Variants in UTP23 observed in about 807,000 individuals in gnomAD.
UTP23 encodes rRNA-processing protein UTP23 homolog.
In UTP23, 10 loss-of-function variants were observed where a neutral mutation model predicts 19.8. The ratio of observed to expected loss-of-function variants is 0.50; its 90% CI spans 0.31 to 0.86. The LOEUF (loss-of-function observed/expected upper bound fraction) is 0.86, where lower values mean the gene tolerates loss of function less well. Ranked by LOEUF, UTP23 falls within the 40% of genes least tolerant of loss-of-function variation. UTP23 has a pLI of 0.05. For synonymous variants in UTP23, 108 were observed against 105.4 expected, an observed-to-expected ratio of 1.02 and a Z score of -0.15; for missense variants, 282 against 293.1, an observed-to-expected ratio of 0.96 and a Z score of 0.28.
intron 1 of UTP23, among the ~76,000 whole-genome samples, chr8:116,768,576 G>A (rs537058922): frequency 6.6e-6 from 1 of 152,126 alleles, no homozygotes; most frequent in African/African-American, 2.4e-5. Context: ...TCTTTGGCAT[G>A]TATCTTGAAA....
rs1051490 is a variant in UTP23 at position 116,774,418 on chromosome 8, T to G, written c.*2576T>G. ...GTGATTTGACAGGTTTAATTGCTAG[T>G]TTTTTATAGGTGGATAGAAATGAAT... On this transcript the variant is annotated 3_prime_UTR_variant, in exon 3 of 3. Transcript: ENST00000309822. 6 of 127,090 alleles carry G rather than the reference T, an allele frequency of 4.7e-5. No individual in the cohort carries two copies. The highest frequency in any genetic ancestry group is 5.9e-5 in the Non-Finnish European group (5 of 84,422). 7.9% of individuals were successfully genotyped at this position (127,090 alleles called of 1,614,324 possible).
intron 2 of UTP23, 70 bp downstream of exon 2, chr8:116,770,436 A>G (rs1815636721): frequency 1.4e-6 from 2 of 1,422,012 alleles, no homozygotes; most frequent in Non-Finnish European, 1.9e-6. Context: ...AGCTATTTAT[A>G]ATCAGAAAAA....
At chr8:116,768,957 G>A (rs572628951) in intron 1 of UTP23, among the ~76,000 whole-genome samples, 4 of 152,288 alleles carry the variant, frequency 2.6e-5, no homozygotes, top group African/African-American at 9.6e-5. Context: ...GAGCCACCAT[G>A]CCAGGCAGTT....
In UTP23 at chr8:116,772,353, T is replaced by G; in HGVS notation, c.*511T>G. 1.0e-6 allele frequency: 1 copy of G among 985,004 alleles called. No individual in the cohort carries two copies. Among genetic ancestry groups the G allele is most frequent in the East Asian group, 1.1e-4 (1 of 8,820 alleles). 61.0% of individuals were successfully genotyped at this position (985,004 alleles called of 1,614,324 possible). On this transcript the variant is annotated 3_prime_UTR_variant, in exon 3 of 3. Coordinates refer to ENST00000309822, the MANE Select transcript of UTP23 (RefSeq NM_032334.3). ...AAAAAATCTTACAGTTCTAAAAGGC[T>G]TGTGACAAAAAAAGAGGCAGTCCCT...
At position 116,772,181 on chromosome 8, in the gene UTP23, CA is replaced by C. The variant is rs546136321; in HGVS notation, c.*349del. 343 of 921,706 alleles carry C rather than the reference CA, an allele frequency of 3.7e-4. No homozygotes were observed. The highest frequency in any genetic ancestry group is 3.1e-3 in the East Asian group (32 of 10,284). The allele number at this position is 921,706 out of a possible 1,614,324, so 57.1% of individuals were successfully genotyped here. On this transcript the variant is annotated 3_prime_UTR_variant, in exon 3 of 3. Transcript: ENST00000309822. ...TGGGCAACAGAGTGAGAACATGTCTCAAAAAAAAAATAAAAACAGTGAATGG... is the reference window on the plus strand; with the variant it reads ...TGGGCAACAGAGTGAGAACATGTCTCAAAAAAAAATAAAAACAGTGAATGG...
Position 116,771,577 on chromosome 8 carries a change from A to G in UTP23, c.485A>G (p.Glu162Gly). 6.2e-7 allele frequency: 1 copy of G among 1,613,292 alleles called. No individual in the cohort carries two copies. The change falls in exon 3 of 3, where the codon GAG becomes GGG. Residue 162 changes from glutamate (E) to glycine (G), a missense_variant. Transcript: ENST00000309822. Reference protein sequence around the residue: ...PKTIAFVKAVESGQLVSVHEK... With the variant: ...PKTIAFVKAVGSGQLVSVHEK... ...ACAATTGCCTTTGTAAAAGCAGTGG[A>G]GTCAGGTCAGCTTGTCTCAGTGCAT...
intron 1 of UTP23, among the ~76,000 whole-genome samples, chr8:116,768,918 G>A (rs1251289414): frequency 1.3e-5 from 2 of 152,112 alleles, no homozygotes; most frequent in Non-Finnish European, 2.9e-5. Context: ...CACCCACCTC[G>A]GCCCCCAAAG....
rs1022418067 is a variant in UTP23 at position 116,770,182 on chromosome 8, T to C, written c.189-10T>C. 11 of 1,567,680 alleles carry C rather than the reference T, an allele frequency of 7.0e-6. No homozygotes were observed. Among genetic ancestry groups the C allele is most frequent in the Non-Finnish European group, 8.7e-6 (10 of 1,148,808 alleles). On this transcript the variant is annotated splice_polypyrimidine_tract_variant and intron_variant, in intron 1 of 2. Coordinates refer to ENST00000309822, the MANE Select transcript of UTP23 (RefSeq NM_032334.3). ...AAGTGAAATGTATCTGCTATAATTT[T>C]TCTTTTCAGATGTGTGTTAAAAGAG...
chr8:116,766,527 A>T lies in UTP23; in HGVS notation c.-77A>T. On this transcript the variant is annotated 5_prime_UTR_variant, in exon 1 of 3. Transcript: ENST00000309822. ...CGCTTCATTTCCGGGTGAAACTGGC[A>T]TTGAGGGTACTGGGGCGTGCGTGAG... 1.4e-6 allele frequency: 2 copies of T among 1,466,292 alleles called. No homozygotes were observed. Among genetic ancestry groups the T allele is most frequent in the South Asian group, 1.4e-5 (1 of 72,756 alleles). The allele number at this position is 1,466,292 out of a possible 1,614,324, so 90.8% of individuals were successfully genotyped here.
Position 116,774,244 on chromosome 8 carries a change from G to A in UTP23, c.*2402G>A. On this transcript the variant is annotated 3_prime_UTR_variant, in exon 3 of 3. Coordinates refer to ENST00000309822, the MANE Select transcript of UTP23 (RefSeq NM_032334.3). ...TGCAGTTGTGTATGGGCACGATACT[G>A]TATTCTTTACATTTTTATGGCCCTA... is the stretch of plus-strand genomic sequence containing the variant. The A allele has an allele frequency of 4.1e-6, 4 of 985,334 alleles. No homozygotes were observed. The highest frequency in any genetic ancestry group is 4.8e-6 in the Non-Finnish European group (4 of 829,912). The allele number at this position is 985,334 out of a possible 1,614,324, so 61.0% of individuals were successfully genotyped here.
intron 1 of UTP23, among the ~76,000 whole-genome samples, chr8:116,767,638 T>G (rs1354326409): frequency 6.6e-6 from 1 of 152,188 alleles, no homozygotes; most frequent in Non-Finnish European, 1.5e-5. Flanking sequence ...AGAATGACAC[T>G]TCTTGTTGTG....
In UTP23 at chr8:116,766,717, G is replaced by T. The variant is rs745527566; in HGVS notation, c.114G>T (p.Ala38=). ...TGGACGGCACCTTCTGTCAGGCGGCGCTGCGGGGCCGCATCCAGCTGCGGG... is the reference window on the plus strand; with the variant it reads ...TGGACGGCACCTTCTGTCAGGCGGCTCTGCGGGGCCGCATCCAGCTGCGGG... ...ILLDGTFCQA[A]LRGRIQLREQ... is the part of the protein sequence containing the mutation. Residue 38 remains alanine (A), a synonymous_variant, in exon 1 of 3, where the codon GCG becomes GCT. Transcript: ENST00000309822. 2.5e-6 allele frequency: 4 copies of T among 1,610,830 alleles called. No individual in the cohort carries two copies. The Admixed American group carries it at 6.7e-5, about 27-fold the overall frequency.
rs1017557930 is a variant in UTP23 at position 116,772,801 on chromosome 8, G to A, written c.*959G>A. 4.2e-5 allele frequency: 41 copies of A among 985,344 alleles called. No homozygotes were observed. The highest frequency in any genetic ancestry group is 3.5e-4 in the African/African-American group (20 of 57,330). 61.0% of individuals were successfully genotyped at this position (985,344 alleles called of 1,614,324 possible). On this transcript the variant is annotated 3_prime_UTR_variant, in exon 3 of 3. Transcript: ENST00000309822. Reference sequence around the variant, plus strand: ...TCAGTTAGGAATTGAATAATGAAACGTGTCTCTCTGAATTCCCCCGGCAAT... The same window carrying A: ...TCAGTTAGGAATTGAATAATGAAACATGTCTCTCTGAATTCCCCCGGCAAT...
At position 116,774,550 on chromosome 8, in the gene UTP23, T is replaced by G; in HGVS notation, c.*2708T>G. 1 of 624,558 alleles carries G rather than the reference T, an allele frequency of 1.6e-6. No individual in the cohort carries two copies. The highest frequency in any genetic ancestry group is 2.0e-6 in the Non-Finnish European group (1 of 501,556). The allele number at this position is 624,558 out of a possible 1,614,324, so 38.7% of individuals were successfully genotyped here. ...TCCAAGATATATATATGTATATAGG[T>G]ATATACACATATGTATATATACATA... On this transcript the variant is annotated 3_prime_UTR_variant, in exon 3 of 3. Transcript: ENST00000309822.
In UTP23 at chr8:116,766,529, T is replaced by C; in HGVS notation, c.-75T>C. On this transcript the variant is annotated 5_prime_UTR_variant, in exon 1 of 3. Transcript: ENST00000309822. ...CTTCATTTCCGGGTGAAACTGGCAT[T>C]GAGGGTACTGGGGCGTGCGTGAGGC... is the stretch of plus-strand genomic sequence containing the variant. 6.8e-7 allele frequency: 1 copy of C among 1,471,116 alleles called. No homozygotes were observed. Among genetic ancestry groups the C allele is most frequent in the South Asian group, 1.4e-5 (1 of 72,782 alleles). The allele number at this position is 1,471,116 out of a possible 1,614,324, so 91.1% of individuals were successfully genotyped here.
intron 1 of UTP23, among the ~76,000 whole-genome samples, chr8:116,768,728 G>A (rs1299761259): frequency 6.6e-6 from 1 of 152,118 alleles, no homozygotes; most frequent in Non-Finnish European, 1.5e-5. Context: ...GCAGTGGTGC[G>A]ATCATGGCTC....
chr8:116,774,034 T>C lies in UTP23; in HGVS notation c.*2192T>C. 1.0e-6 allele frequency: 1 copy of C among 985,364 alleles called. No homozygotes were observed. Among genetic ancestry groups the C allele is most frequent in the Non-Finnish European group, 1.2e-6 (1 of 829,900 alleles). The allele number at this position is 985,364 out of a possible 1,614,324, so 61.0% of individuals were successfully genotyped here. ...GAAGGGAACCATGGGAGTATGCACA[T>C]GGGATCATAATCCATTCTGTGGTTT... On this transcript the variant is annotated 3_prime_UTR_variant, in exon 3 of 3. Coordinates refer to ENST00000309822, the MANE Select transcript of UTP23 (RefSeq NM_032334.3).
rs568760455 is a variant in UTP23 at position 116,772,354 on chromosome 8, T to C, written c.*512T>C. 1.5e-4 allele frequency: 152 copies of C among 984,930 alleles called. No individual in the cohort carries two copies. The highest frequency in any genetic ancestry group is 4.4e-4 in the African/African-American group (25 of 57,348). 61.0% of individuals were successfully genotyped at this position (984,930 alleles called of 1,614,324 possible). On this transcript the variant is annotated 3_prime_UTR_variant, in exon 3 of 3. Transcript: ENST00000309822. ...AAAAATCTTACAGTTCTAAAAGGCT[T>C]GTGACAAAAAAAGAGGCAGTCCCTC...
Position 116,773,593 on chromosome 8 carries a change from C to T in UTP23, c.*1751C>T, listed in dbSNP as rs769037213. 3.0e-6 allele frequency: 2 copies of T among 667,848 alleles called. No homozygotes were observed. The highest frequency in any genetic ancestry group is 3.7e-6 in the Non-Finnish European group (2 of 540,630). The allele number at this position is 667,848 out of a possible 1,614,324, so 41.4% of individuals were successfully genotyped here. A position where few individuals can be genotyped will look rare whatever the true frequency, so the allele number is the denominator to read the frequency against. ...TTGGGAGGCCGAGGCTGGCAGATCA[C>T]AAAATTAAGAGATCAAGACCATCCT... On this transcript the variant is annotated 3_prime_UTR_variant, in exon 3 of 3. Coordinates refer to ENST00000309822, the MANE Select transcript of UTP23 (RefSeq NM_032334.3).
Sources: allele counts gnomAD v4.1 joint callset (sites outside exome capture counted in the v4.1 genomes callset), GRCh38; gene constraint gnomAD v4.1.1; transcripts MANE v1.5; gene names NCBI Gene and HGNC (gene_info 2026-07-23, HGNC 2026-07-21).